The following SLC35D4 variants were observed in gnomAD, a reference collection of about 807,000 sequenced individuals.
SLC35D4 encodes solute carrier family 35 member D4.
the SLC35D4 span, among the ~76,000 whole-genome samples, chr18:23,405,855 C>A: frequency 4.6e-5 from 7 of 152,192 alleles, no homozygotes; most frequent in African/African-American, 1.7e-4. Context: ...TGTCACAATC[C>A]AGTGGGGTCA....
At chr18:23,400,501 C>A in the SLC35D4 span, among the ~76,000 whole-genome samples, 261 of 152,152 alleles carry the variant, frequency 1.7e-3, 1 homozygote, top group African/African-American at 6.0e-3. Flanking sequence ...GTGGCGAGCA[C>A]CTATAATCCC....
chr18:23,317,293 G>T, the SLC35D4 span, among the ~76,000 whole-genome samples: 1 of 152,158 alleles, frequency 6.6e-6, no homozygotes, highest in Non-Finnish European at 1.5e-5. Context: ...AGATAGGATT[G>T]AATCTCTGAT....
the SLC35D4 span, among the ~76,000 whole-genome samples, chr18:23,285,677 C>A: frequency 6.6e-6 from 1 of 152,082 alleles, no homozygotes; most frequent in East Asian, 1.9e-4. Flanking sequence ...TCTAATCTTC[C>A]TTTTCTACAG....
chr18:23,431,521 T>G, the SLC35D4 span, among the ~76,000 whole-genome samples: 3 of 152,232 alleles, frequency 2.0e-5, no homozygotes, highest in African/African-American at 7.2e-5. Flanking sequence ...TTTCCTTTGT[T>G]GTCCTTCAAT....
At chr18:23,334,763 G>A in the SLC35D4 span, among the ~76,000 whole-genome samples, 1 of 152,124 alleles carries the variant, frequency 6.6e-6, no homozygotes, top group Non-Finnish European at 1.5e-5. Context: ...CATTTTGTGG[G>A]GCCCAGGCAG....
chr18:23,334,417 C>G, the SLC35D4 span, among the ~76,000 whole-genome samples: 1 of 152,186 alleles, frequency 6.6e-6, no homozygotes, highest in Non-Finnish European at 1.5e-5. Context: ...CCCCTTCAAC[C>G]CTTCTCCTGT....
At chr18:23,264,124 C>G in the SLC35D4 span, among the ~76,000 whole-genome samples, 1 of 152,340 alleles carries the variant, frequency 6.6e-6, no homozygotes, top group South Asian at 2.1e-4. Flanking sequence ...GCTTTCTGCT[C>G]AGCATCTGTG....
chr18:23,347,806 C>T, the SLC35D4 span, among the ~76,000 whole-genome samples: 1 of 152,138 alleles, frequency 6.6e-6, no homozygotes, highest in Non-Finnish European at 1.5e-5. Context: ...CATTAATATT[C>T]TACATTATTT....
the SLC35D4 span, chr18:23,253,107 C>T: frequency 9.0e-7 from 1 of 1,111,678 alleles, no homozygotes; most frequent in Non-Finnish European, 1.4e-6. Flanking sequence ...TCCCTGCAAA[C>T]CCCTCTTTCC....
the SLC35D4 span, among the ~76,000 whole-genome samples, chr18:23,359,590 G>A: frequency 2.0e-5 from 3 of 152,196 alleles, no homozygotes; most frequent in East Asian, 5.8e-4. Flanking sequence ...CCACATTCGA[G>A]ACTAACTGAT....
the SLC35D4 span, among the ~76,000 whole-genome samples, chr18:23,254,185 C>T: frequency 3.3e-5 from 5 of 152,180 alleles, no homozygotes; most frequent in Admixed American, 1.3e-4. Flanking sequence ...TCTCAGACAC[C>T]ATGTGAGATG....
the SLC35D4 span, among the ~76,000 whole-genome samples, chr18:23,412,819 T>G: frequency 6.6e-6 from 1 of 152,226 alleles, no homozygotes; most frequent in Non-Finnish European, 1.5e-5. Flanking sequence ...TTCTATGCTC[T>G]AACAGCAGAG....
At chr18:23,426,759 T>C in the SLC35D4 span, among the ~76,000 whole-genome samples, 1 of 152,204 alleles carries the variant, frequency 6.6e-6, no homozygotes, top group African/African-American at 2.4e-5. Flanking sequence ...GCTACCTGAC[T>C]TCAAACTATA....
chr18:23,425,631 T>A, the SLC35D4 span, among the ~76,000 whole-genome samples: 8 of 151,838 alleles, frequency 5.3e-5, no homozygotes, highest in African/African-American at 1.9e-4. Flanking sequence ...CAGGAGAGAG[T>A]ATTGTAGGGC....
chr18:23,362,699 G>C, the SLC35D4 span, among the ~76,000 whole-genome samples: 1 of 152,204 alleles, frequency 6.6e-6, no homozygotes, highest in Non-Finnish European at 1.5e-5. Context: ...AAGTTAGAAA[G>C]AGGGTCAGGA....
chr18:23,317,860 C>T, the SLC35D4 span, among the ~76,000 whole-genome samples: 251 of 152,210 alleles, frequency 1.6e-3, 2 homozygotes, highest in Non-Finnish European at 1.9e-4. Flanking sequence ...GTGCCTCAGC[C>T]TCCTGAGTAG....
At chr18:23,285,734 C>A in the SLC35D4 span, among the ~76,000 whole-genome samples, 1 of 152,134 alleles carries the variant, frequency 6.6e-6, no homozygotes, top group Non-Finnish European at 1.5e-5. Flanking sequence ...CCCAATTCTT[C>A]CTCAGCCTCC....
chr18:23,307,659 G>A, the SLC35D4 span, among the ~76,000 whole-genome samples: 3 of 152,230 alleles, frequency 2.0e-5, no homozygotes, highest in Admixed American at 2.0e-4. Flanking sequence ...TCACAGCTGG[G>A]TCCTCTCCGA....
chr18:23,273,782 T>C, the SLC35D4 span, among the ~76,000 whole-genome samples: 1 of 152,204 alleles, frequency 6.6e-6, no homozygotes, highest in African/African-American at 2.4e-5. Context: ...TGGAAAGCTC[T>C]GCTTGCTGAT....
Sources: allele counts gnomAD v4.1 joint callset (sites outside exome capture counted in the v4.1 genomes callset), GRCh38; gene constraint gnomAD v4.1.1; transcripts MANE v1.5; gene names NCBI Gene and HGNC (gene_info 2026-07-23, HGNC 2026-07-21).